Variants in ADARB2 observed in about 807,000 individuals in gnomAD.
ADARB2 encodes adenosine deaminase RNA specific B2 (inactive).
ADARB2 carries 25 observed loss-of-function variants against 62.2 expected under a neutral mutation model. The observed-to-expected ratio is 0.40, with a 90% CI of 0.29 to 0.56. The LOEUF (loss-of-function observed/expected upper bound fraction) is 0.56, where lower values mean the gene tolerates loss of function less well. ADARB2 is among the 20% of genes least tolerant of loss of function. The pLI is 0.43. For missense variants in ADARB2, 1,071 were observed against 1,077.4 expected (o/e 0.99, Z 0.08); for synonymous variants, 572 against 500.8 (o/e 1.14, Z -1.90).
At chr10:1,620,847 A>G (rs1017688561) in intron 1 of ADARB2, among the ~76,000 whole-genome samples, 4 of 152,240 alleles carry the variant, frequency 2.6e-5, no homozygotes, top group Non-Finnish European at 5.9e-5. Flanking sequence ...TATTAATCAA[A>G]TAAAGATCAG....
intron 4 of ADARB2, among the ~76,000 whole-genome samples, chr10:1,245,118 C>T (rs1374322423): frequency 1.3e-5 from 2 of 152,054 alleles, no homozygotes; most frequent in African/African-American, 4.8e-5. Context: ...GGGTGGGAGG[C>T]TGGGGCTGGA....
At chr10:1,618,899 A>G (rs1314572292) in intron 1 of ADARB2, among the ~76,000 whole-genome samples, 1 of 152,238 alleles carries the variant, frequency 6.6e-6, no homozygotes, top group Non-Finnish European at 1.5e-5. Context: ...CCTCTCCTCC[A>G]AAAGCAACTA....
At position 1,181,222 on chromosome 10, in the gene ADARB2, C is replaced by A. The variant is rs1416859410; in HGVS notation, c.*1971G>T. 1 of 152,210 alleles carries A rather than the reference C, an allele frequency of 6.6e-6. No homozygotes were observed. The highest frequency in any genetic ancestry group is 2.4e-5 in the African/African-American group (1 of 41,456). The allele number at this position is 152,210 out of a possible 1,614,324, so 9.4% of individuals were successfully genotyped here. A position where few individuals can be genotyped will look rare whatever the true frequency, so the allele number is the denominator to read the frequency against. On this transcript the variant is annotated 3_prime_UTR_variant, in exon 10 of 10. Transcript: ENST00000381312. ...GCTCCCACGCATTCAGGGGAGCGCT[C>A]ACTTCTGACTGCTGCGAATGTCTGA...
chr10:1,629,089 G>A (rs1482791497), intron 1 of ADARB2, among the ~76,000 whole-genome samples: 1 of 152,200 alleles, frequency 6.6e-6, no homozygotes, highest in African/African-American at 2.4e-5. Context: ...CAAGCTGTTC[G>A]CCAGGGTGTC....
At chr10:1,309,174 G>T (rs1831661408) in intron 3 of ADARB2, among the ~76,000 whole-genome samples, 1 of 152,210 alleles carries the variant, frequency 6.6e-6, no homozygotes, top group South Asian at 2.1e-4. Context: ...CCTCTAGGGG[G>T]TTCAAGACTC....
intron 1 of ADARB2, among the ~76,000 whole-genome samples, chr10:1,490,147 G>C (rs1227959476): frequency 3.3e-5 from 5 of 152,334 alleles, no homozygotes. Context: ...CGGCCTAGGA[G>C]AAGAAGCAAG....
At chr10:1,319,685 G>A (rs1589191020) in intron 3 of ADARB2, among the ~76,000 whole-genome samples, 1 of 151,880 alleles carries the variant, frequency 6.6e-6, no homozygotes, top group South Asian at 2.1e-4. Context: ...ACTATGCAAT[G>A]CATGTTTCCC....
chr10:1,364,713 A>G (rs574864499), intron 2 of ADARB2, among the ~76,000 whole-genome samples: 1 of 152,274 alleles, frequency 6.6e-6, no homozygotes, highest in African/African-American at 2.4e-5. Flanking sequence ...CGTCATCCAG[A>G]GATGATTTAA....
chr10:1,198,744 T>C (rs528695341), intron 8 of ADARB2, among the ~76,000 whole-genome samples: 12 of 152,372 alleles, frequency 7.9e-5, no homozygotes, highest in African/African-American at 2.9e-4. Flanking sequence ...AAATTCACTG[T>C]GTTCACACTT....
chr10:1,439,956 C>T (rs74120613), intron 1 of ADARB2, among the ~76,000 whole-genome samples: 227 of 150,110 alleles, frequency 1.5e-3, no homozygotes, highest in African/African-American at 5.5e-3. Flanking sequence ...TGAGTCTCCT[C>T]GGTGGACAGA....
At chr10:1,329,377 C>G (rs545191779) in intron 3 of ADARB2, among the ~76,000 whole-genome samples, 1 of 152,204 alleles carries the variant, frequency 6.6e-6, no homozygotes, top group Non-Finnish European at 1.5e-5. Context: ...AAAAATGTAT[C>G]CCTTGTTTAA....
At chr10:1,397,808 C>T (rs540354437) in intron 1 of ADARB2, among the ~76,000 whole-genome samples, 25 of 90,704 alleles carry the variant, frequency 2.8e-4, no homozygotes, top group African/African-American at 1.1e-3. Flanking sequence ...TCCGTCTCTC[C>T]CCTCCCGAGC....
chr10:1,475,040 A>C (rs1831380594), intron 1 of ADARB2, among the ~76,000 whole-genome samples: 1 of 152,072 alleles, frequency 6.6e-6, no homozygotes, highest in African/African-American at 2.4e-5. Context: ...GGGGACCCCC[A>C]CGGGCCGCTG....
intron 1 of ADARB2, among the ~76,000 whole-genome samples, chr10:1,590,372 C>G (rs150358234): frequency 6.6e-6 from 1 of 152,264 alleles, no homozygotes; most frequent in South Asian, 2.1e-4. Flanking sequence ...CATTCCATAA[C>G]GTTGCTGGTT....
intron 7 of ADARB2, among the ~76,000 whole-genome samples, chr10:1,201,553 G>C (rs1564218384): frequency 6.6e-6 from 1 of 151,882 alleles, no homozygotes; most frequent in Non-Finnish European, 1.5e-5. Flanking sequence ...GGATGAGATG[G>C]AGGCCACAGA....
At chr10:1,408,759 C>T (rs1832729001) in intron 1 of ADARB2, among the ~76,000 whole-genome samples, 1 of 152,226 alleles carries the variant, frequency 6.6e-6, no homozygotes, top group South Asian at 2.1e-4. Context: ...TTTCACTTGC[C>T]TCCCAGCCTC....
chr10:1,592,442 C>A lies in ADARB2; in HGVS notation c.100+144609G>T, dbSNP rs878909922. On this transcript the variant is annotated intron_variant, in intron 1 of 9. Coordinates refer to ENST00000381312, the MANE Select transcript of ADARB2 (RefSeq NM_018702.4). ...TGGCATGGTCCCCTCTGTCACCCAG[C>A]TACCCTCGCCCAAGCCACCCTCCAT... Among the ~76,000 whole-genome samples the A allele has an allele frequency of 3.5e-3, 63 of 18,246 alleles. 17 individuals carry two copies. Among genetic ancestry groups the A allele is most frequent in the East Asian group, 0.011 (2 of 178 alleles). The allele number at this position is 18,246 out of a possible 152,430, so 12.0% of individuals were successfully genotyped here. A position where few individuals can be genotyped will look rare whatever the true frequency, so the allele number is the denominator to read the frequency against.
chr10:1,232,031 G>GGAGGA (rs1169800005), intron 6 of ADARB2, among the ~76,000 whole-genome samples: 1 of 152,158 alleles, frequency 6.6e-6, no homozygotes, highest in Non-Finnish European at 1.5e-5. Context: ...GCCTTCCACC[G>GGAGGA]GAGGAGAGTC....
chr10:1,507,552 T>C (rs1588281491), intron 1 of ADARB2, among the ~76,000 whole-genome samples: 1 of 152,290 alleles, frequency 6.6e-6, no homozygotes, highest in African/African-American at 2.4e-5. Context: ...AAACGTGAGC[T>C]CCGTCTGGAG....
Sources: gnomAD v4.1 joint callset for allele counts (sites outside exome capture counted in the v4.1 genomes callset) on GRCh38, gnomAD v4.1.1 for gene constraint, MANE v1.5 for transcripts, NCBI Gene and HGNC (gene_info 2026-07-23, HGNC 2026-07-21) for gene names.